Variants in DYM observed in about 807,000 individuals in gnomAD.
DYM encodes the protein dymeclin.
A neutral mutation model predicts 93.1 loss-of-function variants in DYM; 78 were observed. The ratio of observed to expected loss-of-function variants is 0.84; its 90% CI spans 0.70 to 1.01. DYM has a LOEUF of 1.01. Ranked by LOEUF, DYM falls within the 50% of genes least tolerant of loss-of-function variation. The pLI, the probability that DYM is intolerant of heterozygous loss-of-function variation, is 0.00. For synonymous variants in DYM, 321 were observed against 319.7 expected (o/e 1.00, Z -0.04); for missense variants, 789 against 845.0 (o/e 0.93, Z 0.82).
At chr18:49,346,619 AG>A (rs1294702051) in intron 6 of DYM, among the ~76,000 whole-genome samples, 1 of 152,184 alleles carries the variant, frequency 6.6e-6, no homozygotes, top group Non-Finnish European at 1.5e-5. Flanking sequence ...ATATTTTTAA[AG>A]GGTGAAAATT....
chr18:49,243,482 T>G (rs565476951), intron 13 of DYM, among the ~76,000 whole-genome samples: 1 of 151,948 alleles, frequency 6.6e-6, no homozygotes, highest in Non-Finnish European at 1.5e-5. Context: ...CTGGCCAACA[T>G]TGTAAATCCC....
At chr18:49,269,952 G>A (rs2094648381) in intron 11 of DYM, among the ~76,000 whole-genome samples, 1 of 152,110 alleles carries the variant, frequency 6.6e-6, no homozygotes, top group Non-Finnish European at 1.5e-5. Flanking sequence ...CCCTATACAG[G>A]TGTGCCTTTT....
chr18:49,065,043 TGTTTAA>T (rs1476836220), intron 17 of DYM, among the ~76,000 whole-genome samples: 1 of 152,140 alleles, frequency 6.6e-6, no homozygotes, highest in Non-Finnish European at 1.5e-5. Flanking sequence ...AGCATTGAAC[TGTTTAA>T]GTTATGCTTA....
chr18:49,087,213 T>A (rs946509775), intron 17 of DYM, among the ~76,000 whole-genome samples: 2 of 152,188 alleles, frequency 1.3e-5, no homozygotes, highest in Non-Finnish European at 2.9e-5. Flanking sequence ...GTTTAAAGTA[T>A]TTTGTTATAG....
intron 8 of DYM, among the ~76,000 whole-genome samples, chr18:49,289,836 A>C (rs2059996563): frequency 7.0e-6 from 1 of 143,082 alleles, no homozygotes; most frequent in Admixed American, 7.1e-5. Flanking sequence ...TATATATTTT[A>C]AACGGACAAC....
chr18:49,430,242 G>C lies in DYM; in HGVS notation c.140+13C>G, dbSNP rs1337201469. On this transcript the variant is annotated intron_variant, in intron 2 of 17. Transcript: ENST00000675505. ...CCTCTATTCAAATTTTCAATCTCCA[G>C]GCAATCTCTTACCTGCTAGTTGGTG... 2.0e-5 allele frequency: 33 copies of C among 1,613,340 alleles called. No individual in the cohort carries two copies. Among genetic ancestry groups the C allele is most frequent in the Non-Finnish European group, 2.8e-5 (33 of 1,179,746 alleles).
At chr18:49,202,386 C>G (rs1229616479) in intron 14 of DYM, among the ~76,000 whole-genome samples, 15 of 151,060 alleles carry the variant, frequency 9.9e-5, no homozygotes, top group African/African-American at 2.9e-4. Context: ...CCCAAAGTGC[C>G]GAGATTGCAG....
intron 6 of DYM, among the ~76,000 whole-genome samples, chr18:49,348,056 G>GCA (rs1236982452): frequency 6.6e-6 from 1 of 152,168 alleles, no homozygotes; most frequent in African/African-American, 2.4e-5. Context: ...CCATGACCCT[G>GCA]CACTGCACTG....
chr18:49,200,829 T>C (rs1017728627), intron 14 of DYM, among the ~76,000 whole-genome samples: 19 of 152,176 alleles, frequency 1.2e-4, no homozygotes, highest in Admixed American at 7.2e-4. Flanking sequence ...CAAATTAACA[T>C]ATTAATTGCT....
chr18:49,083,768 T>A (rs931367106), intron 17 of DYM, among the ~76,000 whole-genome samples: 1 of 152,188 alleles, frequency 6.6e-6, no homozygotes, highest in Non-Finnish European at 1.5e-5. Flanking sequence ...ATCTACAATG[T>A]TTAATTTGTT....
intron 15 of DYM, 50 bp from the exon 16 acceptor site, chr18:49,118,976 A>G: frequency 6.7e-7 from 1 of 1,501,650 alleles, no homozygotes; most frequent in Non-Finnish European, 9.3e-7. Context: ...TCCTCCTTGC[A>G]ACAGAATTAA....
At chr18:49,441,811 G>C (rs1002221654) in intron 1 of DYM, among the ~76,000 whole-genome samples, 15 of 152,100 alleles carry the variant, frequency 9.9e-5, no homozygotes, top group Non-Finnish European at 1.6e-4. Flanking sequence ...TGGGGAAGAC[G>C]GGGCAAGGTG....
intron 8 of DYM, among the ~76,000 whole-genome samples, chr18:49,304,612 C>T (rs987403815): frequency 2.6e-5 from 4 of 152,172 alleles, no homozygotes; most frequent in African/African-American, 4.8e-5. Flanking sequence ...CCACAAGCCA[C>T]GTACCATGGA....
intron 6 of DYM, among the ~76,000 whole-genome samples, chr18:49,349,482 G>C (rs1485287887): frequency 6.6e-6 from 1 of 152,100 alleles, no homozygotes; most frequent in East Asian, 1.9e-4. Context: ...TGGTGGGTAA[G>C]TACATGTCCA....
At chr18:49,342,214 C>T (rs1194165459) in intron 6 of DYM, among the ~76,000 whole-genome samples, 1 of 152,154 alleles carries the variant, frequency 6.6e-6, no homozygotes, top group East Asian at 1.9e-4. Context: ...CACCACATCC[C>T]TTGGCCCATG....
intron 8 of DYM, among the ~76,000 whole-genome samples, chr18:49,326,984 T>TA (rs993170069): frequency 2.3e-5 from 3 of 131,612 alleles, no homozygotes; most frequent in Non-Finnish European, 3.1e-5. Context: ...CAAATGATTT[T>TA]AAAAAACCGT....
In DYM at chr18:49,185,388, A is replaced by T. The variant is rs186981806; in HGVS notation, c.1626-21601T>A. On this transcript the variant is annotated intron_variant, in intron 14 of 17. Coordinates refer to ENST00000675505, the MANE Select transcript of DYM (RefSeq NM_001353214.3). The stretch of plus-strand genomic sequence containing the variant: ...AAAATGAGAATTACTGTATTCAATA[A>T]TTCTATTATATGACTGTGGAAACTT... Among the ~76,000 whole-genome samples, 13 of 152,336 alleles carry T rather than the reference A, an allele frequency of 8.5e-5. No individual in the cohort carries two copies. The East Asian group carries it at 2.5e-3, about 29-fold the overall frequency.
intron 13 of DYM, among the ~76,000 whole-genome samples, chr18:49,244,483 T>C (rs910429262): frequency 1.3e-5 from 2 of 152,200 alleles, no homozygotes; most frequent in African/African-American, 4.8e-5. Flanking sequence ...TGTTTTTAAT[T>C]TAAAACTTCA....
chr18:49,061,300 T>C (rs185764890), intron 17 of DYM, among the ~76,000 whole-genome samples: 83 of 151,676 alleles, frequency 5.5e-4, no homozygotes, highest in African/African-American at 1.9e-3. Flanking sequence ...AAACAAAGGG[T>C]AGGATTTGGG....
Sources: gnomAD v4.1 joint callset for allele counts (sites outside exome capture counted in the v4.1 genomes callset) on GRCh38, gnomAD v4.1.1 for gene constraint, MANE v1.5 for transcripts, NCBI Gene and HGNC (gene_info 2026-07-23, HGNC 2026-07-21) for gene names.